Variants in TNIK observed in about 807,000 individuals in gnomAD.
The protein encoded by TNIK is TRAF2 and NCK interacting kinase.
TNIK carries 49 observed loss-of-function variants against 191.3 expected under a neutral mutation model. That is an observed-to-expected ratio of 0.26 (90% CI 0.20 to 0.32). TNIK has a LOEUF of 0.32. Ranked by LOEUF, TNIK falls within the 10% of genes least tolerant of loss-of-function variation. The probability of loss-of-function intolerance (pLI) is 1.00; values close to 1 mark genes in which losing one functional copy is unlikely to be tolerated. For missense variants in TNIK, 1,155 were observed against 1,702.3 expected (o/e 0.68, Z 5.66); for synonymous variants, 594 against 600.9 (o/e 0.99, Z 0.17).
chr3:171,186,632 T>C (rs1374902131), intron 7 of TNIK, among the ~76,000 whole-genome samples: 1 of 152,140 alleles, frequency 6.6e-6, no homozygotes, highest in Non-Finnish European at 1.5e-5. Flanking sequence ...TGCACTAAGG[T>C]CTAAATGACT....
At chr3:171,286,735 TC>T (rs1435947190) in intron 2 of TNIK, among the ~76,000 whole-genome samples, 1 of 152,190 alleles carries the variant, frequency 6.6e-6, no homozygotes, top group Non-Finnish European at 1.5e-5. Flanking sequence ...TAATATTTGT[TC>T]TCAATCAACA....
At chr3:171,152,426 G>A (rs1319282809) in intron 12 of TNIK, among the ~76,000 whole-genome samples, 1 of 152,180 alleles carries the variant, frequency 6.6e-6, no homozygotes, top group Non-Finnish European at 1.5e-5. Flanking sequence ...TATTTAAGCT[G>A]AATTTGACCA....
intron 1 of TNIK, among the ~76,000 whole-genome samples, chr3:171,372,136 CT>C (rs1334419792): frequency 6.6e-6 from 1 of 152,150 alleles, no homozygotes; most frequent in East Asian, 1.9e-4. Context: ...TCAGGAAGAT[CT>C]GGACAGCTGA....
At chr3:171,380,031 A>ACACACACACG (rs1553765888) in intron 1 of TNIK, among the ~76,000 whole-genome samples, 3 of 34,300 alleles carry the variant, frequency 8.7e-5, no homozygotes, top group Non-Finnish European at 1.7e-4. Flanking sequence ...ACACACGCGC[A>ACACACACACG]CACACACACA....
chr3:171,133,027 G>A lies in TNIK; in HGVS notation c.1609-4149C>T, dbSNP rs536939455. Reference sequence around the variant, plus strand: ...ACCCTGTACTCACTAGTCACATAAAGAGCTGAGTAATATCGTTGGGCAAAA... The same window carrying A: ...ACCCTGTACTCACTAGTCACATAAAAAGCTGAGTAATATCGTTGGGCAAAA... On this transcript the variant is annotated intron_variant, in intron 15 of 32. Coordinates refer to ENST00000436636, the MANE Select transcript of TNIK (RefSeq NM_015028.4). 2.8e-4 allele frequency among the ~76,000 whole-genome samples: 43 copies of A among 152,314 alleles called. 1 individual carries two copies. In the South Asian group the frequency reaches 8.9e-3, roughly 32 times the overall value.
At chr3:171,268,976 A>C (rs1283775316) in intron 2 of TNIK, among the ~76,000 whole-genome samples, 2 of 152,204 alleles carry the variant, frequency 1.3e-5, no homozygotes, top group Admixed American at 1.3e-4. Context: ...TAGAAAACTT[A>C]TTTTACCTTC....
chr3:171,259,977 T>A (rs1747388539), intron 2 of TNIK, among the ~76,000 whole-genome samples: 1 of 152,176 alleles, frequency 6.6e-6, no homozygotes, highest in African/African-American at 2.4e-5. Flanking sequence ...AATCTCCTCC[T>A]AGGCCCATCT....
intron 7 of TNIK, among the ~76,000 whole-genome samples, chr3:171,187,760 C>T (rs1737537105): frequency 1.3e-5 from 2 of 152,144 alleles, no homozygotes; most frequent in Admixed American, 1.3e-4. Flanking sequence ...GTTTCTTCAT[C>T]TGTTAGATAA....
At chr3:171,139,819 C>T (rs1374031429) in intron 13 of TNIK, among the ~76,000 whole-genome samples, 1 of 152,176 alleles carries the variant, frequency 6.6e-6, no homozygotes, top group Admixed American at 6.5e-5. Flanking sequence ...TTTTAATAAG[C>T]CCAGCTACAT....
At chr3:171,142,365 A>G (rs750183760) in intron 12 of TNIK, among the ~76,000 whole-genome samples, 61 of 152,262 alleles carry the variant, frequency 4.0e-4, no homozygotes, top group Admixed American at 5.9e-4. Flanking sequence ...ATGAGAGTCC[A>G]TGTTTATAAT....
At chr3:171,378,137 G>C (rs1442424790) in intron 1 of TNIK, among the ~76,000 whole-genome samples, 4 of 152,224 alleles carry the variant, frequency 2.6e-5, no homozygotes, top group African/African-American at 9.6e-5. Flanking sequence ...AGAAGCCCCA[G>C]AGAGGGAGAG....
intron 6 of TNIK, 84 bp from the exon 7 acceptor site, chr3:171,188,916 G>A: frequency 6.7e-7 from 1 of 1,503,252 alleles, no homozygotes; most frequent in Middle Eastern, 1.8e-4. Flanking sequence ...TTTTATTGTG[G>A]TAAAACATAA....
chr3:171,317,913 C>T (rs1056612578), intron 2 of TNIK, among the ~76,000 whole-genome samples: 8 of 152,082 alleles, frequency 5.3e-5, no homozygotes, highest in African/African-American at 1.9e-4. Context: ...GAAATTGTGC[C>T]CATGTGTCTA....
intron 11 of TNIK, 34 bp from the exon 12 acceptor site, chr3:171,157,698 T>TGGGGCA: frequency 6.5e-7 from 1 of 1,549,626 alleles, no homozygotes; most frequent in Non-Finnish European, 8.7e-7. Flanking sequence ...GGATCCCACG[T>TGGGGCA]GGGGCAGGGG....
At chr3:171,099,337 A>C (rs1331358474) in intron 22 of TNIK, among the ~76,000 whole-genome samples, 8 of 148,674 alleles carry the variant, frequency 5.4e-5, no homozygotes, top group Non-Finnish European at 1.2e-4. Context: ...CTTTACTTCA[A>C]CTCTTCCCCC....
chr3:171,392,345 T>G (rs1719644496), intron 1 of TNIK, among the ~76,000 whole-genome samples: 1 of 152,062 alleles, frequency 6.6e-6, no homozygotes, highest in South Asian at 2.1e-4. Flanking sequence ...CTGGTGGCTA[T>G]GAGAAAGGGG....
intron 2 of TNIK, among the ~76,000 whole-genome samples, chr3:171,339,086 C>T (rs1757265816): frequency 6.6e-6 from 1 of 152,198 alleles, no homozygotes. Context: ...ATAATACATG[C>T]TAGTCAGAGG....
chr3:171,264,022 A>G (rs926166621), intron 2 of TNIK, among the ~76,000 whole-genome samples: 73 of 145,178 alleles, frequency 5.0e-4, no homozygotes, highest in Middle Eastern at 3.5e-3. Flanking sequence ...TTATATATGT[A>G]TGTGTGTGTG....
chr3:171,377,009 T>A (rs572889656), intron 1 of TNIK, among the ~76,000 whole-genome samples: 1 of 152,324 alleles, frequency 6.6e-6, no homozygotes, highest in Non-Finnish European at 1.5e-5. Context: ...TTGGCCTGCA[T>A]TTTTACAATG....
Sources: allele counts gnomAD v4.1 joint callset (sites outside exome capture counted in the v4.1 genomes callset), GRCh38; gene constraint gnomAD v4.1.1; transcripts MANE v1.5; gene names NCBI Gene and HGNC (gene_info 2026-07-23, HGNC 2026-07-21).